FGFR1: variants seen among roughly 807,000 people sequenced by gnomAD.
The protein encoded by FGFR1 is fibroblast growth factor receptor 1.
Under a neutral mutation model 93.7 loss-of-function variants are expected in FGFR1, and 18 were observed. The ratio of observed to expected loss-of-function variants is 0.19; its 90% CI spans 0.13 to 0.28. The LOEUF (loss-of-function observed/expected upper bound fraction) is 0.28. Ranked by LOEUF, FGFR1 falls within the 10% of genes least tolerant of loss-of-function variation. The pLI is 1.00. For missense variants in FGFR1, 731 were observed against 1,080.4 expected (o/e 0.68, Z 4.53); for synonymous variants, 448 against 429.3 (o/e 1.04, Z -0.54).
At chr8:38,422,856 C>T (rs1819322458) in intron 7 of FGFR1, 2 of 594,836 alleles carry the variant, frequency 3.4e-6, no homozygotes. Flanking sequence ...GACACCAACA[C>T]AATACCAAAC....
chr8:38,429,666 G>A lies in FGFR1; in HGVS notation c.358+16C>T, dbSNP rs746770346. 52 of 1,559,918 alleles carry A rather than the reference G, an allele frequency of 3.3e-5. No homozygotes were observed. Among genetic ancestry groups the A allele is most frequent in the Non-Finnish European group, 4.5e-5 (52 of 1,151,576 alleles). ...GTGGGTCTAGGGAGGGGCAAGGGCAGGGCTTGGCTACCAACCTGAAACATT... is the reference window on the plus strand; with the variant it reads ...GTGGGTCTAGGGAGGGGCAAGGGCAAGGCTTGGCTACCAACCTGAAACATT... On this transcript the variant is annotated intron_variant, in intron 3 of 17. Transcript: ENST00000447712. This position sits in a 1 kb window ranked among gnomAD's most constrained non-coding sequence, Gnocchi z 4.4.
rs1229432138 is a variant in FGFR1, at chr8:38,413,364, G to A, written c.*264C>T. Reference sequence around the variant, plus strand: ...AGGCAGTGCCTGGTGGCAGGGAGGGGTGTTGGTCCAACATCTGGGAGGGGA... The same window carrying A: ...AGGCAGTGCCTGGTGGCAGGGAGGGATGTTGGTCCAACATCTGGGAGGGGA... On this transcript the variant is annotated 3_prime_UTR_variant, in exon 18 of 18. Coordinates refer to ENST00000447712, the MANE Select transcript of FGFR1 (RefSeq NM_023110.3). The surrounding 1 kb of genome is among the most constrained non-coding windows in gnomAD (Gnocchi z 4.2). 1.9e-6 allele frequency: 1 copy of A among 538,446 alleles called. No homozygotes were observed. The highest frequency in any genetic ancestry group is 1.9e-5 in the African/African-American group (1 of 52,878). 33.4% of individuals were successfully genotyped at this position (538,446 alleles called of 1,614,324 possible).
intron 1 of FGFR1, chr8:38,463,453 T>G (rs1271318692): frequency 9.6e-6 from 2 of 207,876 alleles, no homozygotes; most frequent in African/African-American, 4.6e-5. Context: ...ATTATATGAT[T>G]GTTATTTATG....
rs867532966 is a variant in FGFR1, at chr8:38,413,738, T to C, written c.2359A>G (p.Thr787Ala). ...SPSFPDTRSS[T>A]CSSGEDSVFS... is the part of the protein sequence containing the mutation. ...ACGGAATCCTCCCCTGAGGAGCACG[T>C]AGAGCTCCGGGTGTCGGGAAAGCTG... The change falls in exon 18 of 18, where the codon ACG becomes GCG. Residue 787 changes from threonine (T) to alanine (A), a missense_variant. Thr to Ala is a moderately conservative substitution (Grantham distance 58). This residue lies in a region of FGFR1 where 79 missense variants were observed against 97.2 expected (regional missense o/e 0.81). Coordinates refer to ENST00000447712, the MANE Select transcript of FGFR1 (RefSeq NM_023110.3). This position sits in a 1 kb window ranked among gnomAD's most constrained non-coding sequence, Gnocchi z 4.2. The C allele has an allele frequency of 6.2e-7, 1 of 1,613,978 alleles. No homozygotes were observed. The highest frequency in any genetic ancestry group is 1.1e-5 in the South Asian group (1 of 91,078).
intron 3 of FGFR1, 59 bp from the exon 4 acceptor site, chr8:38,428,494 G>C: frequency 7.2e-7 from 1 of 1,394,894 alleles, no homozygotes; most frequent in Non-Finnish European, 1.0e-6. Flanking sequence ...TTTCACCAAG[G>C]CTAGTGCAGT....
chr8:38,419,085 T>A (rs936785640), intron 9 of FGFR1, among the ~76,000 whole-genome samples: 4 of 152,194 alleles, frequency 2.6e-5, no homozygotes, highest in African/African-American at 9.7e-5. Flanking sequence ...TTGTGAGGCC[T>A]CCCCAGCCAC....
rs776549085 is a variant in FGFR1, at chr8:38,417,903, G to T, written c.1519C>A (p.Arg507Ser). ...ATCTTCACAGCCACTTTGGTCACAC[G>T]GTTGGGTTTGTCCTTGTCCAGCCCG... is the stretch of plus-strand genomic sequence containing the variant. ...AIGLDKDKPNRVTKVAVKMLK... is the reference protein window; with the variant it reads ...AIGLDKDKPNSVTKVAVKMLK... Residue 507 changes from arginine to serine, a missense_variant, in exon 11 of 18, where the codon CGT becomes AGT. By Grantham distance (110) the Arg-to-Ser change is moderately radical. Around this residue, in one of 10 missense-constraint regions of FGFR1, gnomAD observed 62 missense variants for 99.5 expected, o/e 0.62. Coordinates refer to ENST00000447712, the MANE Select transcript of FGFR1 (RefSeq NM_023110.3). 2 of 1,614,058 alleles carry T rather than the reference G, an allele frequency of 1.2e-6. No homozygotes were observed. The highest frequency in any genetic ancestry group is 2.2e-5 in the South Asian group (2 of 91,080).
intron 15 of FGFR1, 127 bp from the exon 16 acceptor site, chr8:38,414,416 G>A: frequency 2.6e-6 from 4 of 1,544,618 alleles, no homozygotes; most frequent in Admixed American, 1.8e-5. Flanking sequence ...AACATCTGGA[G>A]CAGAGGGAAT....
chr8:38,413,173 G>A lies in FGFR1; in HGVS notation c.*455C>T, dbSNP rs2150495886. On this transcript the variant is annotated 3_prime_UTR_variant, in exon 18 of 18. Transcript: ENST00000447712. This position sits in a 1 kb window ranked among gnomAD's most constrained non-coding sequence, Gnocchi z 4.2. ...TGGGGCAGAGGTCACCTTCAATCGA[G>A]GCACGAAGCACTGACCTCCCTACTG... 4.0e-6 allele frequency: 1 copy of A among 248,486 alleles called. No individual in the cohort carries two copies. The highest frequency in any genetic ancestry group is 7.9e-6 in the Non-Finnish European group (1 of 127,386). 15.4% of individuals were successfully genotyped at this position (248,486 alleles called of 1,614,324 possible).
At chr8:38,425,968 A>T in intron 6 of FGFR1, 154 bp downstream of exon 6, 1 of 953,758 alleles carries the variant, frequency 1.0e-6, no homozygotes, top group South Asian at 1.3e-5. Context: ...AGTGAGGCTC[A>T]AAAGGGAGAA....
rs777264405 is a variant in FGFR1, at chr8:38,426,097, C to A, written c.745+25G>T. On this transcript the variant is annotated intron_variant, in intron 6 of 17. Transcript: ENST00000447712. This position sits in a 1 kb window ranked among gnomAD's most constrained non-coding sequence, Gnocchi z 4.1. The stretch of plus-strand genomic sequence containing the variant: ...CCTGGCTCTTCCCACTAAACTCATT[C>A]CTCCTGCTGCCTCTGCCCTCTTACC... 33 of 1,614,018 alleles carry A rather than the reference C, an allele frequency of 2.0e-5. No individual in the cohort carries two copies. The highest frequency in any genetic ancestry group is 2.8e-5 in the Non-Finnish European group (33 of 1,179,994).
At chr8:38,438,204 G>A (rs1038379729) in intron 2 of FGFR1, among the ~76,000 whole-genome samples, 1 of 151,738 alleles carries the variant, frequency 6.6e-6, no homozygotes, top group African/African-American at 2.4e-5. Context: ...ATAGTTCTCA[G>A]CATGTGTTAA....
rs1289015128 is a variant in FGFR1 at position 38,414,906 on chromosome 8, GGAA to G, written c.1855-8_1855-6del. ...TGCCAGGTCTCGGTGTATGCACTGAGGAAGGAGGAAGGGAGAGCGGGAGGCGGG... is the reference window on the plus strand; with the variant it reads ...TGCCAGGTCTCGGTGTATGCACTGAGGGAGGAAGGGAGAGCGGGAGGCGGG... On this transcript the variant is annotated splice_polypyrimidine_tract_variant and splice_region_variant and intron_variant, in intron 13 of 17. Transcript: ENST00000447712. 4.3e-6 allele frequency: 7 copies of G among 1,612,024 alleles called. No homozygotes were observed. The highest frequency in any genetic ancestry group is 1.3e-5 in the African/African-American group (1 of 74,906).
chr8:38,460,972 G>C (rs531467717), intron 1 of FGFR1: 1 of 1,261,468 alleles, frequency 7.9e-7, no homozygotes, highest in African/African-American at 1.5e-5. Context: ...GGTTCCCCCC[G>C]CCCCGTCTCT....
At chr8:38,451,053 T>A (rs1478436008) in intron 2 of FGFR1, among the ~76,000 whole-genome samples, 1 of 152,182 alleles carries the variant, frequency 6.6e-6, no homozygotes, top group Non-Finnish European at 1.5e-5. Flanking sequence ...AAACCTGTTA[T>A]GAGCTTAGCA....
chr8:38,418,741 G>A, intron 9 of FGFR1: 1 of 337,690 alleles, frequency 3.0e-6, no homozygotes, highest in Non-Finnish European at 5.7e-6. Flanking sequence ...TCCAGAATGA[G>A]CACAGGCTTC....
intron 13 of FGFR1, 59 bp from the exon 14 acceptor site, chr8:38,414,960 G>A: frequency 6.8e-7 from 1 of 1,476,950 alleles, no homozygotes; most frequent in South Asian, 1.1e-5. Context: ...GAAGGCTCTG[G>A]GCGGCCGCCA....
At chr8:38,447,196 G>T (rs1208858061) in intron 2 of FGFR1, among the ~76,000 whole-genome samples, 1 of 151,204 alleles carries the variant, frequency 6.6e-6, no homozygotes. Context: ...GAGACAAAGG[G>T]GACTGAGCCA....
Position 38,416,007 on chromosome 8 carries a change from G to C in FGFR1, c.1717C>G (p.Leu573Val), listed in dbSNP as rs2150589441. ...YASKGNLREY[L>V]QARRPPGLEY... Reference sequence around the variant, plus strand: ...AGCCCTGGGGGCCTCCGGGCCTGCAGGTACTCCCGCAGGTTGCCCTTGGAG... The same window carrying C: ...AGCCCTGGGGGCCTCCGGGCCTGCACGTACTCCCGCAGGTTGCCCTTGGAG... The change falls in exon 13 of 18, where the codon CTG becomes GTG. Residue 573 changes from leucine to valine, a missense_variant. By Grantham distance (32) the Leu-to-Val change is conservative. This residue lies in a region of FGFR1 where 39 missense variants were observed against 39.2 expected (regional missense o/e 1.00). Coordinates refer to ENST00000447712, the MANE Select transcript of FGFR1 (RefSeq NM_023110.3). 1 of 1,613,920 alleles carries C rather than the reference G, an allele frequency of 6.2e-7. No individual in the cohort carries two copies. Among genetic ancestry groups the C allele is most frequent in the African/African-American group, 1.3e-5 (1 of 75,016 alleles).
Sources: allele counts gnomAD v4.1 joint callset (sites outside exome capture counted in the v4.1 genomes callset), GRCh38; gene constraint gnomAD v4.1.1; regional missense constraint gnomAD v4.1.1; non-coding constraint Gnocchi (gnomAD v3.1); transcripts MANE v1.5; gene names NCBI Gene and HGNC (gene_info 2026-07-23, HGNC 2026-07-21).